The following STX12 variants were observed in gnomAD, a reference collection of about 807,000 sequenced individuals.
STX12 encodes syntaxin 12.
Under a neutral mutation model 42.2 loss-of-function variants are expected in STX12, and 17 were observed. The observed-to-expected ratio is 0.40, with a 90% CI of 0.28 to 0.60. STX12 has a LOEUF of 0.60. Among genes scored for constraint, STX12 ranks in the 20% least tolerant of loss-of-function variants. The probability of loss-of-function intolerance (pLI) is 0.39; values close to 1 mark genes in which losing one functional copy is unlikely to be tolerated. For synonymous variants in STX12, 108 were observed against 116.7 expected, an observed-to-expected ratio of 0.93 and a Z score of 0.48; for missense variants, 297 against 330.9, an observed-to-expected ratio of 0.90 and a Z score of 0.79.
At chr1:27,788,050 CAAAG>C (rs1010616237) in intron 1 of STX12, among the ~76,000 whole-genome samples, 2 of 152,110 alleles carry the variant, frequency 1.3e-5, no homozygotes, top group African/African-American at 4.8e-5. Flanking sequence ...AGGGCTCTCA[CAAAG>C]AAAGCTGAAT....
intron 1 of STX12, among the ~76,000 whole-genome samples, chr1:27,788,777 C>T (rs1370365678): frequency 5.9e-5 from 9 of 151,998 alleles, no homozygotes; most frequent in East Asian, 1.9e-4. Context: ...TTTGGGAGGC[C>T]GAGGCGAGTG....
At chr1:27,804,980 G>A (rs539409813) in intron 4 of STX12, among the ~76,000 whole-genome samples, 3 of 152,260 alleles carry the variant, frequency 2.0e-5, no homozygotes, top group South Asian at 2.1e-4. Context: ...TCACAGGACC[G>A]CAGGAGAGAG....
intron 1 of STX12, 79 bp downstream of exon 1, chr1:27,773,504 G>T: frequency 7.3e-7 from 1 of 1,378,088 alleles, no homozygotes; most frequent in Non-Finnish European, 1.0e-6. Context: ...CGCAGGGCCC[G>T]GCTGGGGCTA....
intron 6 of STX12, 134 bp downstream of exon 6, chr1:27,812,402 C>A: frequency 2.9e-6 from 2 of 695,954 alleles, no homozygotes; most frequent in Non-Finnish European, 4.7e-6. Context: ...TTTTTTCTGT[C>A]TCAGTGTAAT....
chr1:27,818,373 T>G (rs1477830694), intron 7 of STX12, among the ~76,000 whole-genome samples: 1 of 146,784 alleles, frequency 6.8e-6, no homozygotes, highest in African/African-American at 2.7e-5. Context: ...AGAATGAGAC[T>G]TCGTCTCAAT....
chr1:27,812,630 G>C (rs1038833038), intron 6 of STX12, among the ~76,000 whole-genome samples: 2 of 151,942 alleles, frequency 1.3e-5, no homozygotes, highest in African/African-American at 4.8e-5. Context: ...TAGTAGAGAC[G>C]GGGTTTCTCC....
intron 6 of STX12, among the ~76,000 whole-genome samples, chr1:27,815,792 C>G (rs1022350897): frequency 7.2e-5 from 11 of 152,178 alleles, no homozygotes; most frequent in Admixed American, 4.6e-4. Flanking sequence ...GAATTGCCCT[C>G]AAATTTCCAT....
At chr1:27,805,011 G>A (rs1557804591) in intron 4 of STX12, among the ~76,000 whole-genome samples, 4 of 152,208 alleles carry the variant, frequency 2.6e-5, no homozygotes, top group East Asian at 1.9e-4. Flanking sequence ...GAGAGAAGGG[G>A]AAAGCCCCTT....
chr1:27,796,366 G>A (rs1396390720), intron 3 of STX12, among the ~76,000 whole-genome samples: 2 of 152,020 alleles, frequency 1.3e-5, no homozygotes, highest in African/African-American at 4.8e-5. Flanking sequence ...ACCCAGTCCA[G>A]TGGCTTTTGA....
intron 6 of STX12, among the ~76,000 whole-genome samples, chr1:27,815,917 T>A (rs898853423): frequency 6.6e-6 from 1 of 152,222 alleles, no homozygotes; most frequent in African/African-American, 2.4e-5. Flanking sequence ...GGTTCACACC[T>A]GTAATCCCAG....
chr1:27,790,942 A>G (rs2088736245), intron 2 of STX12, among the ~76,000 whole-genome samples: 1 of 151,220 alleles, frequency 6.6e-6, no homozygotes, highest in Non-Finnish European at 1.5e-5. Flanking sequence ...ACTCTGTCTC[A>G]AAAAAATAAA....
intron 4 of STX12, among the ~76,000 whole-genome samples, chr1:27,805,583 A>G (rs542124130): frequency 6.6e-6 from 1 of 152,290 alleles, no homozygotes; most frequent in East Asian, 1.9e-4. Flanking sequence ...TTGACTATTT[A>G]CTTACTTTTA....
intron 4 of STX12, among the ~76,000 whole-genome samples, chr1:27,803,889 T>C (rs1294663595): frequency 1.3e-5 from 2 of 151,922 alleles, no homozygotes; most frequent in African/African-American, 2.4e-5. Context: ...TAATCCCAGC[T>C]ACTCTGGAGG....
chr1:27,797,122 G>T (rs564272578), intron 3 of STX12, among the ~76,000 whole-genome samples: 5 of 151,152 alleles, frequency 3.3e-5, no homozygotes, highest in African/African-American at 1.2e-4. Flanking sequence ...CTGCACTCCA[G>T]TGAGCAAAGG....
intron 1 of STX12, among the ~76,000 whole-genome samples, chr1:27,776,078 G>A (rs1435910684): frequency 6.6e-6 from 1 of 152,180 alleles, no homozygotes; most frequent in Admixed American, 6.5e-5. Flanking sequence ...CTGTGAAAAT[G>A]AAAAGAAAGG....
At chr1:27,799,603 C>T (rs1001078661) in intron 3 of STX12, among the ~76,000 whole-genome samples, 1 of 151,660 alleles carries the variant, frequency 6.6e-6, no homozygotes, top group Non-Finnish European at 1.5e-5. Context: ...CTGCCTCAGC[C>T]TCCCAAGTGG....
chr1:27,811,330 C>G (rs2088902188), intron 5 of STX12, among the ~76,000 whole-genome samples: 1 of 148,332 alleles, frequency 6.7e-6, no homozygotes, highest in Non-Finnish European at 1.5e-5. Context: ...AAAAGCCAGG[C>G]ATGGTGGCTC....
At chr1:27,801,452 TC>T (rs1205960205) in intron 3 of STX12, among the ~76,000 whole-genome samples, 1 of 151,626 alleles carries the variant, frequency 6.6e-6, no homozygotes, top group Non-Finnish European at 1.5e-5. Context: ...GCAACCCAGT[TC>T]CAGGTTTGTC....
rs1308532944 is a variant in STX12 at position 27,773,313 on chromosome 1, A to G, written c.6A>G (p.Ser2=). The G allele has an allele frequency of 6.2e-7, 1 of 1,605,498 alleles. No individual in the cohort carries two copies. The highest frequency in any genetic ancestry group is 8.5e-7 in the Non-Finnish European group (1 of 1,174,350). Residue 2 remains serine, a synonymous_variant, in exon 1 of 9, where the codon TCA becomes TCG. Coordinates refer to ENST00000373943, the MANE Select transcript of STX12 (RefSeq NM_177424.3). The part of the protein sequence containing the change: M[S]YGPLDMYRNP... ...GCAGGTCTCAGCTCCTCGTCATGTCATACGGTCCCTTAGACATGTACCGGA... is the reference window on the plus strand; with the variant it reads ...GCAGGTCTCAGCTCCTCGTCATGTCGTACGGTCCCTTAGACATGTACCGGA...
Sources: allele counts gnomAD v4.1 joint callset (sites outside exome capture counted in the v4.1 genomes callset), GRCh38; gene constraint gnomAD v4.1.1; transcripts MANE v1.5; gene names NCBI Gene and HGNC (gene_info 2026-07-23, HGNC 2026-07-21).